The following IL7 variants were observed in gnomAD, a reference collection of about 807,000 sequenced individuals.
The protein encoded by IL7 is interleukin-7.
Under a neutral mutation model 21.6 loss-of-function variants are expected in IL7, and 3 were observed. The observed-to-expected ratio is 0.14, with a 90% CI of 0.06 to 0.36. The LOEUF (loss-of-function observed/expected upper bound fraction) is 0.36. Ranked by LOEUF, IL7 falls within the 10% of genes least tolerant of loss-of-function variation. IL7 has a pLI of 1.00. For missense variants in IL7, 175 were observed against 200.2 expected (o/e 0.87, Z 0.76); for synonymous variants, 62 against 68.1 (o/e 0.91, Z 0.44).
chr8:78,791,275 T>A (rs914222791), intron 2 of IL7, among the ~76,000 whole-genome samples: 1 of 152,150 alleles, frequency 6.6e-6, no homozygotes, highest in Admixed American at 6.6e-5. Flanking sequence ...AAAAATAAAA[T>A]TATATATCAA....
intron 3 of IL7, chr8:78,721,586 A>G (rs1436756737): frequency 4.6e-5 from 7 of 151,992 alleles, no homozygotes; most frequent in Admixed American, 4.6e-4. Flanking sequence ...GGGATAGGAG[A>G]CGGCCAGTAG....
intron 2 of IL7, among the ~76,000 whole-genome samples, chr8:78,750,792 C>T (rs1344257944): frequency 6.6e-6 from 1 of 152,070 alleles, no homozygotes; most frequent in Non-Finnish European, 1.5e-5. Context: ...CCACTGCACT[C>T]CAGCCTGGGC....
downstream of IL7, among the ~76,000 whole-genome samples, chr8:78,713,828 T>C (rs1811019066): frequency 6.6e-6 from 1 of 152,234 alleles, no homozygotes; most frequent in Non-Finnish European, 1.5e-5. Flanking sequence ...ATAATCTCTT[T>C]GAACATGCTT....
intron 2 of IL7, among the ~76,000 whole-genome samples, chr8:78,764,430 A>C (rs1204104065): frequency 6.6e-6 from 1 of 152,124 alleles, no homozygotes. Flanking sequence ...TCTATGTAGA[A>C]AATTTTTTTA....
chr8:78,784,297 G>A (rs748968670), intron 2 of IL7, among the ~76,000 whole-genome samples: 1 of 152,050 alleles, frequency 6.6e-6, no homozygotes, highest in African/African-American at 2.4e-5. Flanking sequence ...CCTGGAAGAG[G>A]TCCTTCACCA....
chr8:78,756,266 G>A (rs201089447), intron 2 of IL7, among the ~76,000 whole-genome samples: 2 of 151,612 alleles, frequency 1.3e-5, no homozygotes, highest in Admixed American at 6.6e-5. Flanking sequence ...ATATTGGCTT[G>A]TAGTTTTCTT....
chr8:78,797,063 T>C (rs77471558), intron 2 of IL7, among the ~76,000 whole-genome samples: 3,910 of 152,076 alleles, frequency 0.026, 166 homozygotes, highest in African/African-American at 0.089. Context: ...TAGACTGTTA[T>C]CCAGCAATAA....
Position 78,778,478 on chromosome 8 carries a change from G to A in IL7, c.147+19594C>T, listed in dbSNP as rs139731791. On this transcript the variant is annotated intron_variant, in intron 2 of 5. Transcript: ENST00000263851. ...ATGTTTAAAATAATGGAATATTAAG[G>A]AAACATTTATTAAATAGGGAATCCT... Among the ~76,000 whole-genome samples the A allele has an allele frequency of 6.5e-3, 983 of 152,112 alleles. 13 individuals are homozygous for A. Among genetic ancestry groups the A allele is most frequent in the African/African-American group, 0.022 (896 of 41,524 alleles).
chr8:78,743,234 T>C (rs1811859967), intron 2 of IL7, among the ~76,000 whole-genome samples: 2 of 152,228 alleles, frequency 1.3e-5, no homozygotes, highest in African/African-American at 4.8e-5. Context: ...GAATGATTTA[T>C]ATTCCCTTGG....
downstream of IL7, among the ~76,000 whole-genome samples, chr8:78,715,757 TGAG>T (rs1811081715): frequency 6.6e-6 from 1 of 151,980 alleles, no homozygotes; most frequent in Non-Finnish European, 1.5e-5. Context: ...CTGGAATGGA[TGAG>T]GAGTTGTGGT....
chr8:78,726,715 T>G (rs761356950), intron 3 of IL7, among the ~76,000 whole-genome samples: 3 of 151,902 alleles, frequency 2.0e-5, no homozygotes, highest in Non-Finnish European at 4.4e-5. Context: ...CCCACCTGAG[T>G]GTAAAACAAA....
chr8:78,730,103 A>G (rs1367402933), downstream of IL7, among the ~76,000 whole-genome samples: 2 of 152,044 alleles, frequency 1.3e-5, no homozygotes, highest in Non-Finnish European at 1.5e-5. Flanking sequence ...AACTTTCTTC[A>G]TGTAAAATAT....
chr8:78,719,833 T>C (rs571957412), intron 5 of IL7: 2 of 151,784 alleles, frequency 1.3e-5, no homozygotes, highest in African/African-American at 4.8e-5. Context: ...GAAATATAAA[T>C]AAAATATTTG....
chr8:78,722,041 G>A (rs1392889099), intron 3 of IL7, among the ~76,000 whole-genome samples: 1 of 151,746 alleles, frequency 6.6e-6, no homozygotes, highest in Non-Finnish European at 1.5e-5. Context: ...AAAGACAAAA[G>A]GCTAGAAATA....
chr8:78,717,667 C>T, downstream of IL7: 3 of 516,968 alleles, frequency 5.8e-6, no homozygotes, highest in Non-Finnish European at 9.6e-6. Context: ...TATATGTGTA[C>T]ATATACTGTA....
At chr8:78,717,337 G>C, downstream of IL7, 1 of 1,607,164 alleles carries the variant, frequency 6.2e-7, no homozygotes, top group Non-Finnish European at 8.5e-7. Flanking sequence ...GGCCAGATGG[G>C]GACTGTGCAT....
exon 5 of IL7, chr8:78,675,858 G>A (rs1347963459): frequency 1.1e-5 from 17 of 1,610,200 alleles, no homozygotes; most frequent in Non-Finnish European, 1.4e-5. Flanking sequence ...CTTTCCAGTA[G>A]CATTAGTGAG....
In IL7 at chr8:78,697,386, AT is replaced by A. The variant is rs759250877; in HGVS notation, n.215-11440del. 3.1e-4 allele frequency: 485 copies of A among 1,545,002 alleles called. 3 individuals are homozygous for A. The highest frequency in any genetic ancestry group is 2.6e-3 in the East Asian group (112 of 43,686). ...TAATCAAAAAGTGATGTTGATTAAT[AT>A]TTTTTTTCCATTATTTTAGTATAAG... is the stretch of plus-strand genomic sequence containing the variant. On this transcript the variant is annotated intron_variant and non_coding_transcript_variant, in intron 3 of 4. Transcript: ENST00000523959.
intron 3 of IL7, among the ~76,000 whole-genome samples, chr8:78,696,277 A>G (rs1175524892): frequency 6.6e-6 from 1 of 152,068 alleles, no homozygotes; most frequent in Non-Finnish European, 1.5e-5. Context: ...CTTGTGATCC[A>G]CCTGCCTCGG....
Sources: allele counts gnomAD v4.1 joint callset (sites outside exome capture counted in the v4.1 genomes callset), GRCh38; gene constraint gnomAD v4.1.1; transcripts MANE v1.5; gene names NCBI Gene and HGNC (gene_info 2026-07-23, HGNC 2026-07-21).